Variants in CCDC88C observed in about 807,000 individuals in gnomAD.
The protein encoded by CCDC88C is protein Daple.
A neutral mutation model predicts 198.8 loss-of-function variants in CCDC88C; 131 were observed. The ratio of observed to expected loss-of-function variants is 0.66; its 90% CI spans 0.57 to 0.76. The LOEUF (loss-of-function observed/expected upper bound fraction) is 0.76. CCDC88C is among the 30% of genes least tolerant of loss of function. The pLI is 0.00. For synonymous variants in CCDC88C, 1,166 were observed against 1,114.7 expected (o/e 1.05, Z -0.92); for missense variants, 2,553 against 2,631.6 (o/e 0.97, Z 0.65).
chr14:91,322,067 GA>G (rs1024612372), intron 12 of CCDC88C, among the ~76,000 whole-genome samples: 273 of 150,600 alleles, frequency 1.8e-3, no homozygotes, highest in African/African-American at 6.5e-3. Context: ...TTGGGGAGGG[GA>G]AAAAAAAAGG....
chr14:91,344,885 CT>C (rs1433626316), intron 4 of CCDC88C, among the ~76,000 whole-genome samples: 1 of 151,490 alleles, frequency 6.6e-6, no homozygotes, highest in Non-Finnish European at 1.5e-5. Flanking sequence ...CAGCTTCCAC[CT>C]CCTGGGTTCA....
intron 10 of CCDC88C, among the ~76,000 whole-genome samples, chr14:91,326,285 C>T (rs912492124): frequency 6.6e-6 from 1 of 152,098 alleles, no homozygotes; most frequent in African/African-American, 2.4e-5. Context: ...GCGATCTCAG[C>T]TCACTGCAAC....
chr14:91,387,208 G>A (rs531186692), intron 3 of CCDC88C, among the ~76,000 whole-genome samples: 119 of 152,254 alleles, frequency 7.8e-4, no homozygotes, highest in African/African-American at 2.6e-3. Flanking sequence ...CAATGTTTAC[G>A]CAAAGATAAT....
intron 3 of CCDC88C, among the ~76,000 whole-genome samples, chr14:91,370,091 T>C (rs1283317462): frequency 1.3e-5 from 2 of 152,216 alleles, no homozygotes; most frequent in Non-Finnish European, 1.5e-5. Context: ...AAGGAGCACC[T>C]GGAAACTCAA....
At chr14:91,402,087 C>G (rs1886235750) in intron 3 of CCDC88C, among the ~76,000 whole-genome samples, 1 of 152,054 alleles carries the variant, frequency 6.6e-6, no homozygotes, top group African/African-American at 2.4e-5. Context: ...CCAGCCTGGT[C>G]AACTTAGCGA....
chr14:91,406,162 A>G (rs1376578866), intron 3 of CCDC88C, among the ~76,000 whole-genome samples: 1 of 152,236 alleles, frequency 6.6e-6, no homozygotes, highest in African/African-American at 2.4e-5. Context: ...AAACCCACAC[A>G]GTCTCAAGTG....
intron 13 of CCDC88C, among the ~76,000 whole-genome samples, chr14:91,316,248 G>T (rs182043295): frequency 2.0e-5 from 3 of 152,072 alleles, no homozygotes; most frequent in African/African-American, 7.2e-5. Flanking sequence ...TCCCTCACAG[G>T]CCAGGCCACA....
rs1027925420 is a variant in CCDC88C at position 91,325,613 on chromosome 14, A to G, written c.1197+297T>C. Among the ~76,000 whole-genome samples, 1 of 152,158 alleles carries G rather than the reference A, an allele frequency of 6.6e-6. No homozygotes were observed. Among genetic ancestry groups the G allele is most frequent in the Admixed American group, 6.5e-5 (1 of 15,286 alleles). ...TTTTTCTGAGACAAGGTCTTGCTCT[A>G]TCACCCAGGCTGGAATGCAATGGTG... is the stretch of plus-strand genomic sequence containing the variant. On this transcript the variant is annotated intron_variant, in intron 11 of 29. Coordinates refer to ENST00000389857, the MANE Select transcript of CCDC88C (RefSeq NM_001080414.4). The surrounding 1 kb of genome is among the most constrained non-coding windows in gnomAD (Gnocchi z 4.1).
rs754710790 is a variant in CCDC88C at position 91,371,685 on chromosome 14, C to G, written c.271-11974G>C. On this transcript the variant is annotated intron_variant, in intron 3 of 29. Transcript: ENST00000389857. The surrounding 1 kb of genome is among the most constrained non-coding windows in gnomAD (Gnocchi z 4.2). ...TCAGCAGAAGCAAGGCCTTCCTCGT[C>G]CCAGCAAGTAGCTGGGCTGGGGGAA... 6.6e-6 allele frequency among the ~76,000 whole-genome samples: 1 copy of G among 152,278 alleles called. No individual in the cohort carries two copies. The highest frequency in any genetic ancestry group is 3.4e-3 in the Middle Eastern group (1 of 294).
intron 25 of CCDC88C, chr14:91,285,571 A>C: frequency 8.8e-7 from 1 of 1,132,234 alleles, no homozygotes; most frequent in Non-Finnish European, 1.1e-6. Context: ...GGGGTCCGCT[A>C]TCGGCCATCT....
At chr14:91,350,051 A>G (rs1258615327) in intron 4 of CCDC88C, among the ~76,000 whole-genome samples, 1 of 152,228 alleles carries the variant, frequency 6.6e-6, no homozygotes, top group Non-Finnish European at 1.5e-5. Context: ...AATGGAAGTT[A>G]ACACATGGAA....
intron 3 of CCDC88C, chr14:91,379,713 C>A: frequency 3.1e-6 from 2 of 647,298 alleles, no homozygotes; most frequent in South Asian, 1.7e-5. Flanking sequence ...CCCAGAAGAG[C>A]CCACAGTGAT....
intron 3 of CCDC88C, among the ~76,000 whole-genome samples, chr14:91,373,439 ACCATGAGTCT>A (rs1832009254): frequency 6.6e-6 from 1 of 152,164 alleles, no homozygotes; most frequent in African/African-American, 2.4e-5. Context: ...ACACATGGGA[ACCATGAGTCT>A]CCAGCATGGA....
At chr14:91,336,191 A>C (rs2139852625) in intron 10 of CCDC88C, among the ~76,000 whole-genome samples, 1 of 152,348 alleles carries the variant, frequency 6.6e-6, no homozygotes, top group Non-Finnish European at 1.5e-5. Context: ...AAACCTCTCT[A>C]AAACTCCAAG....
chr14:91,400,377 A>C (rs577277907), intron 3 of CCDC88C, among the ~76,000 whole-genome samples: 1 of 152,254 alleles, frequency 6.6e-6, no homozygotes, highest in South Asian at 2.1e-4. Flanking sequence ...ATCTCCCAGC[A>C]GTCTGGAGGG....
In CCDC88C at chr14:91,325,009, C is replaced by T. The variant is rs1892524484; in HGVS notation, c.1198-86G>A. The T allele has an allele frequency of 6.5e-7, 1 of 1,533,616 alleles. No homozygotes were observed. Among genetic ancestry groups the T allele is most frequent in the East Asian group, 2.3e-5 (1 of 44,248 alleles). ...GCCTCAGCCCCTGTATAGCTACCGT[C>T]ATGTGCTGTGGATGAAGATGTACTG... is the stretch of plus-strand genomic sequence containing the variant. On this transcript the variant is annotated intron_variant, in intron 11 of 29. Transcript: ENST00000389857. The surrounding 1 kb of genome is among the most constrained non-coding windows in gnomAD (Gnocchi z 4.1).
At chr14:91,323,939 G>A (rs1484058865) in intron 12 of CCDC88C, among the ~76,000 whole-genome samples, 1 of 152,250 alleles carries the variant, frequency 6.6e-6, no homozygotes, top group Non-Finnish European at 1.5e-5. Flanking sequence ...CCAAATGCAA[G>A]AAATATTCAC....
intron 16 of CCDC88C, among the ~76,000 whole-genome samples, chr14:91,309,137 A>T (rs1163260178): frequency 6.6e-6 from 1 of 152,168 alleles, no homozygotes; most frequent in Non-Finnish European, 1.5e-5. Flanking sequence ...GCTGAGGCGT[A>T]AGAATCACTT....
Position 91,339,079 on chromosome 14 carries a change from C to A in CCDC88C, c.809+199G>T. ...GAAACCCTGAAGACCGGGAAGAATC[C>A]CCGCCCCCATCCCTGTGCAGGCCTC... On this transcript the variant is annotated intron_variant, in intron 8 of 29. Transcript: ENST00000389857. The surrounding 1 kb of genome is among the most constrained non-coding windows in gnomAD (Gnocchi z 5.8). The A allele has an allele frequency of 1.5e-6, 1 of 680,642 alleles. No individual in the cohort carries two copies. Among genetic ancestry groups the A allele is most frequent in the African/African-American group, 1.8e-5 (1 of 56,912 alleles). 42.2% of individuals were successfully genotyped at this position (680,642 alleles called of 1,614,324 possible).
Sources: allele counts gnomAD v4.1 joint callset (sites outside exome capture counted in the v4.1 genomes callset), GRCh38; gene constraint gnomAD v4.1.1; non-coding constraint Gnocchi (gnomAD v3.1); transcripts MANE v1.5; gene names NCBI Gene and HGNC (gene_info 2026-07-23, HGNC 2026-07-21).